DACH2: variants seen among roughly 807,000 people sequenced by gnomAD.
The protein encoded by DACH2 is dachshund family transcription factor 2, also known as dachshund homolog 2.
A neutral mutation model predicts 35.8 loss-of-function variants in DACH2; 17 were observed. That is an observed-to-expected ratio of 0.48 (90% CI 0.33 to 0.71). DACH2 has a LOEUF of 0.71. Among genes scored for constraint, DACH2 ranks in the 30% least tolerant of loss-of-function variants. DACH2 has a pLI of 0.02. For synonymous variants in DACH2, 195 were observed against 177.3 expected, an observed-to-expected ratio of 1.10 and a Z score of -0.79; for missense variants, 469 against 472.7, an observed-to-expected ratio of 0.99 and a Z score of 0.07.
At chrX:86,471,254 T>A (rs2037756684) in intron 2 of DACH2, among the ~76,000 whole-genome samples, 1 of 111,850 alleles carries the variant, frequency 8.9e-6, no homozygotes, top group Admixed American at 9.6e-5. Context: ...GTATTCATTG[T>A]TTGAGAGACC....
chrX:86,769,669 A>G (rs2041968967), intron 7 of DACH2, among the ~76,000 whole-genome samples: 2 of 111,877 alleles, frequency 1.8e-5, no homozygotes, highest in Non-Finnish European at 3.8e-5. Flanking sequence ...TCATATAGGC[A>G]TATAGTCATA....
At chrX:86,777,752 A>G (rs2042049731) in intron 7 of DACH2, among the ~76,000 whole-genome samples, 2 of 111,338 alleles carry the variant, frequency 1.8e-5, no homozygotes, top group Admixed American at 9.6e-5. Context: ...TCTGAAATAA[A>G]TAGTTCGTCA....
At chrX:86,197,971 T>C (rs1411018800) in intron 1 of DACH2, among the ~76,000 whole-genome samples, 2 of 111,811 alleles carry the variant, frequency 1.8e-5, no homozygotes, top group Non-Finnish European at 3.8e-5. Context: ...TTCTTCTCAT[T>C]GCTACATGGT....
intron 2 of DACH2, among the ~76,000 whole-genome samples, chrX:86,397,583 G>A (rs2036323666): frequency 9.0e-6 from 1 of 111,709 alleles, no homozygotes; most frequent in African/African-American, 3.3e-5. Flanking sequence ...CTAATTTACT[G>A]AGAGTGTTTA....
intron 3 of DACH2, among the ~76,000 whole-genome samples, chrX:86,599,436 C>T (rs1378406892): frequency 1.0e-5 from 1 of 99,838 alleles, no homozygotes; most frequent in African/African-American, 3.7e-5. Context: ...TTCTCTTCCT[C>T]TCTCTTTCTT....
intron 11 of DACH2, chrX:86,828,994 G>A (rs1303865160): frequency 8.9e-6 from 1 of 112,042 alleles, no homozygotes; most frequent in East Asian, 2.8e-4. Flanking sequence ...AAAGCCAACT[G>A]AGTTTTTATC....
At chrX:86,738,193 A>C (rs2041616446) in intron 6 of DACH2, among the ~76,000 whole-genome samples, 1 of 111,935 alleles carries the variant, frequency 8.9e-6, no homozygotes, top group African/African-American at 3.2e-5. Flanking sequence ...TGAAGTAACA[A>C]ATTCACAGGT....
rs765907176 is a variant in DACH2 at position 86,813,041 on chromosome X, C to T, written c.1389+37C>T. 7 of 1,149,977 alleles carry T rather than the reference C, an allele frequency of 6.1e-6. No individual in the cohort carries two copies. In the South Asian group the frequency reaches 1.2e-4, roughly 20 times the overall value. 94.8% of individuals were successfully genotyped at this position (1,149,977 alleles called of 1,213,427 possible). A position where few individuals can be genotyped will look rare whatever the true frequency, so the allele number is the denominator to read the frequency against. The stretch of plus-strand genomic sequence containing the variant: ...TTCTATAAACAAAATAAATGTAATA[C>T]AAGACATTAGCACCTACATATATTA... On this transcript the variant is annotated intron_variant, in intron 8 of 11. Coordinates refer to ENST00000373125, the MANE Select transcript of DACH2 (RefSeq NM_053281.3).
At chrX:86,199,424 G>T (rs373991992) in intron 1 of DACH2, among the ~76,000 whole-genome samples, 4 of 111,333 alleles carry the variant, frequency 3.6e-5, no homozygotes, top group African/African-American at 1.3e-4. Flanking sequence ...GAGCAATCAG[G>T]CAAGAGAAAG....
chrX:86,779,706 C>T (rs941082093), intron 7 of DACH2, among the ~76,000 whole-genome samples: 2 of 111,383 alleles, frequency 1.8e-5, no homozygotes, highest in Non-Finnish European at 3.8e-5. Flanking sequence ...GAAAAGTGGC[C>T]TGATTCTGGA....
rs116694340 is a variant in DACH2, at chrX:86,277,242, A to G, written c.489-99582A>G. On this transcript the variant is annotated intron_variant, in intron 1 of 11. Transcript: ENST00000373125. ...ATAGTTTTTATTATAGAGATTTTTT[A>G]CTTTTTTGATTAATTTCTAGGTATT... is the stretch of plus-strand genomic sequence containing the variant. Among the ~76,000 whole-genome samples, 1,070 of 110,591 alleles carry G rather than the reference A, an allele frequency of 9.7e-3. 9 individuals carry two copies. The highest frequency in any genetic ancestry group is 0.03 in the African/African-American group (913 of 30,472).
intron 1 of DACH2, among the ~76,000 whole-genome samples, chrX:86,297,069 A>ATATATATATG (rs772662061): frequency 2.6e-4 from 26 of 98,907 alleles, no homozygotes; most frequent in South Asian, 1.9e-3. Flanking sequence ...ATATATATAT[A>ATATATATATG]TAATTAGAGC....
At chrX:86,343,029 C>T (rs184025799) in intron 1 of DACH2, among the ~76,000 whole-genome samples, 3 of 111,719 alleles carry the variant, frequency 2.7e-5, no homozygotes, top group African/African-American at 6.5e-5. Flanking sequence ...TACAGTTTCA[C>T]ACTTTAGTAG....
At chrX:86,759,560 GT>G (rs373909049) in intron 7 of DACH2, among the ~76,000 whole-genome samples, 1,170 of 92,510 alleles carry the variant, frequency 0.013, 4 homozygotes, top group African/African-American at 0.024. Flanking sequence ...GTTGTTGTTT[GT>G]TTTTTTTTTT....
chrX:86,576,640 A>G (rs1246441697), intron 3 of DACH2, among the ~76,000 whole-genome samples: 2 of 111,042 alleles, frequency 1.8e-5, no homozygotes, highest in Non-Finnish European at 3.8e-5. Context: ...TGCTTCACTC[A>G]TTATTATACA....
At chrX:86,429,983 C>T (rs1367991459) in intron 2 of DACH2, among the ~76,000 whole-genome samples, 2 of 112,419 alleles carry the variant, frequency 1.8e-5, no homozygotes, top group African/African-American at 6.5e-5. Flanking sequence ...TCTGTTTCAG[C>T]ACTGGAACAA....
At chrX:86,182,154 T>C (rs147877648) in intron 1 of DACH2, among the ~76,000 whole-genome samples, 1,581 of 112,121 alleles carry the variant, frequency 0.014, 36 homozygotes, top group African/African-American at 0.049. Context: ...ACTCTGATGA[T>C]CATTTCTTTG....
chrX:86,256,091 G>A (rs933397462), intron 1 of DACH2, among the ~76,000 whole-genome samples: 3 of 110,649 alleles, frequency 2.7e-5, no homozygotes, highest in African/African-American at 9.9e-5. Flanking sequence ...TAAGCATAGG[G>A]ATTTTTATTT....
chrX:86,567,524 G>A (rs1453958086), intron 3 of DACH2, among the ~76,000 whole-genome samples: 6 of 111,154 alleles, frequency 5.4e-5, no homozygotes, highest in Non-Finnish European at 1.1e-4. Flanking sequence ...TAACATGTGC[G>A]TTCCTCCTTT....
Sources: allele counts gnomAD v4.1 joint callset (sites outside exome capture counted in the v4.1 genomes callset), GRCh38; gene constraint gnomAD v4.1.1; transcripts MANE v1.5; gene names NCBI Gene and HGNC (gene_info 2026-07-23, HGNC 2026-07-21).